Variants in CNTNAP2 observed in about 807,000 individuals in gnomAD.
CNTNAP2 encodes the protein contactin associated protein 2.
CNTNAP2 carries 98 observed loss-of-function variants against 155.2 expected under a neutral mutation model. The observed-to-expected ratio is 0.63, with a 90% CI of 0.54 to 0.75. CNTNAP2 has a LOEUF of 0.75. Ranked by LOEUF, CNTNAP2 falls within the 30% of genes least tolerant of loss-of-function variation. The pLI, the probability that CNTNAP2 is intolerant of heterozygous loss-of-function variation, is 0.00. For missense variants in CNTNAP2, 1,727 were observed against 1,688.1 expected, an observed-to-expected ratio of 1.02 and a Z score of -0.40; for synonymous variants, 651 against 631.2, an observed-to-expected ratio of 1.03 and a Z score of -0.47.
chr7:147,923,516 T>C (rs1269234802), intron 14 of CNTNAP2, among the ~76,000 whole-genome samples: 2 of 152,044 alleles, frequency 1.3e-5, no homozygotes, highest in Non-Finnish European at 2.9e-5. Flanking sequence ...TTAAATTTAT[T>C]TTTAAAAATT....
intron 1 of CNTNAP2, among the ~76,000 whole-genome samples, chr7:146,487,775 A>G (rs2129130414): frequency 6.6e-6 from 1 of 152,292 alleles, no homozygotes; most frequent in Middle Eastern, 3.4e-3. Flanking sequence ...GGCACTTGGT[A>G]CTTAAAGAAG....
chr7:147,370,188 CAT>C (rs1482646606), intron 9 of CNTNAP2, among the ~76,000 whole-genome samples: 1 of 152,144 alleles, frequency 6.6e-6, no homozygotes, highest in Admixed American at 6.5e-5. Flanking sequence ...ATATTATAGT[CAT>C]ATGCATGATT....
At chr7:146,289,771 C>A (rs1800399879) in intron 1 of CNTNAP2, among the ~76,000 whole-genome samples, 1 of 152,136 alleles carries the variant, frequency 6.6e-6, no homozygotes, top group South Asian at 2.1e-4. Context: ...AGGAAATTAT[C>A]TCATTTTATA....
intron 1 of CNTNAP2, among the ~76,000 whole-genome samples, chr7:146,351,706 T>G (rs1794917357): frequency 6.6e-6 from 1 of 152,214 alleles, no homozygotes; most frequent in Admixed American, 6.5e-5. Flanking sequence ...TTGTGCTTTT[T>G]CTAAGTTAAA....
At chr7:146,675,060 A>G (rs910184261) in intron 1 of CNTNAP2, among the ~76,000 whole-genome samples, 2 of 152,142 alleles carry the variant, frequency 1.3e-5, no homozygotes, top group African/African-American at 4.8e-5. Context: ...TTTCACCCCA[A>G]CCAACAAGAC....
chr7:148,213,780 A>G lies in CNTNAP2; in HGVS notation c.3011-3508A>G, dbSNP rs796402731. 4.0e-4 allele frequency among the ~76,000 whole-genome samples: 60 copies of G among 151,282 alleles called. 1 individual carries two copies. Among genetic ancestry groups the G allele is most frequent in the African/African-American group, 1.4e-3 (58 of 41,150 alleles). ...CCCCTGTCCTCTGTTAGACACATTT[A>G]CAGAAGCCTGTCCTAGGAGTGTCCA... On this transcript the variant is annotated intron_variant, in intron 18 of 23. Transcript: ENST00000361727.
chr7:147,042,796 T>A (rs6975318), intron 3 of CNTNAP2, among the ~76,000 whole-genome samples: 99,139 of 151,896 alleles, frequency 0.65, 33,851 homozygotes, highest in African/African-American at 0.86. Context: ...AATCTGAAAG[T>A]TAATATCTTC....
chr7:147,412,742 T>C (rs1248080667), intron 10 of CNTNAP2, among the ~76,000 whole-genome samples: 3 of 152,166 alleles, frequency 2.0e-5, no homozygotes, highest in Non-Finnish European at 4.4e-5. Context: ...ATGAGTGAAA[T>C]AGAATTAAAA....
At chr7:146,654,413 C>A (rs1483270211) in intron 1 of CNTNAP2, among the ~76,000 whole-genome samples, 3 of 152,020 alleles carry the variant, frequency 2.0e-5, no homozygotes, top group Non-Finnish European at 4.4e-5. Context: ...GTTACTCACC[C>A]TAGAATGTGC....
intron 1 of CNTNAP2, among the ~76,000 whole-genome samples, chr7:146,537,456 A>C (rs1184242341): frequency 1.3e-5 from 2 of 152,110 alleles, no homozygotes; most frequent in Non-Finnish European, 2.9e-5. Flanking sequence ...ATTAAAAAAA[A>C]GTAAAATTGT....
At chr7:146,833,688 C>T (rs897280872) in intron 2 of CNTNAP2, among the ~76,000 whole-genome samples, 1 of 152,214 alleles carries the variant, frequency 6.6e-6, no homozygotes, top group Non-Finnish European at 1.5e-5. Flanking sequence ...GAGGGCCAGT[C>T]TCGGTTTGCA....
At chr7:146,448,743 T>A (rs1796437456) in intron 1 of CNTNAP2, among the ~76,000 whole-genome samples, 1 of 152,122 alleles carries the variant, frequency 6.6e-6, no homozygotes, top group Non-Finnish European at 1.5e-5. Context: ...TCACACATAA[T>A]CACTGCAATT....
intron 1 of CNTNAP2, among the ~76,000 whole-genome samples, chr7:146,548,821 GTTAA>G (rs1798071819): frequency 2.4e-5 from 1 of 42,274 alleles, no homozygotes; most frequent in Non-Finnish European, 5.1e-5. Context: ...TTTTCGTTTT[GTTAA>G]TTGTTTCCTT....
chr7:146,722,123 C>T (rs866016442), intron 1 of CNTNAP2, among the ~76,000 whole-genome samples: 8 of 151,528 alleles, frequency 5.3e-5, no homozygotes, highest in African/African-American at 2.0e-4. Context: ...CTCCTGATGT[C>T]AGGTGATCCA....
At chr7:147,612,601 A>G (rs1358103984) in intron 12 of CNTNAP2, among the ~76,000 whole-genome samples, 3 of 151,944 alleles carry the variant, frequency 2.0e-5, no homozygotes, top group South Asian at 2.1e-4. Flanking sequence ...GAGTTTCACT[A>G]TGTTGGCCAG....
chr7:148,170,368 A>C (rs1805759306), intron 17 of CNTNAP2, among the ~76,000 whole-genome samples: 2 of 152,258 alleles, frequency 1.3e-5, no homozygotes, highest in African/African-American at 4.8e-5. Context: ...GGCTAAAATA[A>C]TAGAAGCCAA....
intron 11 of CNTNAP2, among the ~76,000 whole-genome samples, chr7:147,501,446 C>G (rs1271740274): frequency 6.6e-6 from 1 of 152,142 alleles, no homozygotes; most frequent in African/African-American, 2.4e-5. Flanking sequence ...TAGATTTTCT[C>G]TGTTTGCAGA....
At chr7:146,365,557 C>T (rs1303011318) in intron 1 of CNTNAP2, among the ~76,000 whole-genome samples, 1 of 152,176 alleles carries the variant, frequency 6.6e-6, no homozygotes, top group African/African-American at 2.4e-5. Flanking sequence ...AAAACATTCA[C>T]AGACACACAC....
intron 15 of CNTNAP2, among the ~76,000 whole-genome samples, chr7:148,094,215 G>A (rs920313042): frequency 3.9e-5 from 6 of 152,162 alleles, no homozygotes; most frequent in African/African-American, 1.4e-4. Context: ...GGCTTCATCT[G>A]CAAAGGAGAA....
Sources: allele counts gnomAD v4.1 joint callset (sites outside exome capture counted in the v4.1 genomes callset), GRCh38; gene constraint gnomAD v4.1.1; transcripts MANE v1.5; gene names NCBI Gene and HGNC (gene_info 2026-07-23, HGNC 2026-07-21).